Variants in ADGRV1 observed in about 807,000 individuals in gnomAD.
The protein encoded by ADGRV1 is G-protein coupled receptor 98.
ADGRV1 carries 359 observed loss-of-function variants against 596.2 expected under a neutral mutation model. That is an observed-to-expected ratio of 0.60 (90% CI 0.55 to 0.66). The LOEUF is 0.66. Ranked by LOEUF, ADGRV1 falls within the 30% of genes least tolerant of loss-of-function variation. ADGRV1 has a pLI of 0.00. For synonymous variants in ADGRV1, 2,681 were observed against 2,679.2 expected (o/e 1.00, Z -0.02); for missense variants, 7,274 against 7,575.6 (o/e 0.96, Z 1.48).
intron 85 of ADGRV1, chr5:91,031,423 G>A (rs1784474185): frequency 4.8e-6 from 4 of 828,504 alleles, no homozygotes; most frequent in Non-Finnish European, 8.1e-6. Context: ...CTGTTCCCAT[G>A]GCCAGCATTA....
chr5:90,677,092 A>G (rs1197302027), intron 25 of ADGRV1, among the ~76,000 whole-genome samples: 2 of 152,160 alleles, frequency 1.3e-5, no homozygotes, highest in Non-Finnish European at 2.9e-5. Flanking sequence ...GAGAGATGAT[A>G]TGGTGTTTAT....
chr5:90,994,465 T>G (rs1186659486), intron 85 of ADGRV1, among the ~76,000 whole-genome samples: 1 of 152,204 alleles, frequency 6.6e-6, no homozygotes, highest in East Asian at 1.9e-4. Context: ...CATATGCTCA[T>G]TTAGTTATAT....
At chr5:90,857,337 T>A (rs1767117139) in intron 82 of ADGRV1, among the ~76,000 whole-genome samples, 1 of 152,122 alleles carries the variant, frequency 6.6e-6, no homozygotes, top group South Asian at 2.1e-4. Context: ...GGCATAGGTT[T>A]ATGTGCTGCT....
chr5:91,075,367 GC>G (rs1788762231), intron 86 of ADGRV1, among the ~76,000 whole-genome samples: 1 of 152,098 alleles, frequency 6.6e-6, no homozygotes, highest in Admixed American at 6.6e-5. Context: ...TAACATAGGG[GC>G]CTAACATAGT....
chr5:91,048,201 A>G (rs11955946), intron 85 of ADGRV1, among the ~76,000 whole-genome samples: 35,709 of 152,194 alleles, frequency 0.23, 4,509 homozygotes, highest in Non-Finnish European at 0.28. Flanking sequence ...GTTGGCTGCC[A>G]TCCTCTGGAC....
intron 43 of ADGRV1, chr5:90,718,057 A>G (rs1159648552): frequency 1.3e-5 from 2 of 152,236 alleles, no homozygotes; most frequent in African/African-American, 4.8e-5. Flanking sequence ...TTATATTCAC[A>G]GCAATGTACA....
At chr5:90,890,843 T>A (rs189643466) in intron 83 of ADGRV1, among the ~76,000 whole-genome samples, 2 of 152,266 alleles carry the variant, frequency 1.3e-5, no homozygotes, top group East Asian at 3.9e-4. Context: ...ACACTTCGTG[T>A]CATCAGATTT....
chr5:90,759,679 G>T (rs1380344893), intron 58 of ADGRV1, 91 bp downstream of exon 58: 4 of 1,180,356 alleles, frequency 3.4e-6, no homozygotes, highest in East Asian at 2.5e-5. Flanking sequence ...TGTTTTGGAA[G>T]TCTTGGCCAG....
chr5:90,802,188 G>A (rs1204581649), intron 70 of ADGRV1, among the ~76,000 whole-genome samples: 4 of 152,036 alleles, frequency 2.6e-5, no homozygotes, highest in African/African-American at 9.7e-5. Context: ...TTGAAAATTT[G>A]TGTTTTTTTT....
At chr5:91,066,472 A>G (rs1787890664) in intron 85 of ADGRV1, among the ~76,000 whole-genome samples, 1 of 152,140 alleles carries the variant, frequency 6.6e-6, no homozygotes, top group African/African-American at 2.4e-5. Flanking sequence ...TTTGGGAGAA[A>G]TTTTATTATA....
chr5:91,072,009 C>G (rs1301666322), intron 85 of ADGRV1, among the ~76,000 whole-genome samples: 1 of 152,022 alleles, frequency 6.6e-6, no homozygotes, highest in Non-Finnish European at 1.5e-5. Context: ...AGAGACAGTT[C>G]AGAGAAGTTA....
At chr5:90,851,807 G>C (rs959928222) in intron 79 of ADGRV1, among the ~76,000 whole-genome samples, 1 of 152,200 alleles carries the variant, frequency 6.6e-6, no homozygotes, top group African/African-American at 2.4e-5. Context: ...TGTTATGCTT[G>C]CATCAAGCTT....
At chr5:90,682,018 C>G (rs1234400122) in intron 27 of ADGRV1, among the ~76,000 whole-genome samples, 1 of 152,030 alleles carries the variant, frequency 6.6e-6, no homozygotes, top group Non-Finnish European at 1.5e-5. Context: ...AGGCATGCAC[C>G]ACCACGCCCG....
In ADGRV1 at chr5:90,651,720, A is replaced by G. The variant is rs781561554; in HGVS notation, c.3406A>G (p.Asn1136Asp). 10 of 1,610,630 alleles carry G rather than the reference A, an allele frequency of 6.2e-6. No individual in the cohort carries two copies. The South Asian group carries it at 8.8e-5, about 14-fold the overall frequency. The stretch of plus-strand genomic sequence containing the variant: ...CAAAGCAGTGGAAGAAGGAAAGACT[A>G]ATGCATTTTGGTAAGCATATGTAGA... ...IDKAVEEGKT[N>D]AFWILRHRGY... The change falls in exon 18 of 90, where the codon AAT (asparagine) becomes GAT (aspartate). Residue 1136 changes from asparagine to aspartate, a missense_variant. Physicochemically the swap from Asn to Asp is conservative, Grantham distance 23 (BLOSUM62 1). Around this residue, in one of 5 missense-constraint regions of ADGRV1, gnomAD observed 1,715 missense variants for 1,708.8 expected, o/e 1.00. Transcript: ENST00000405460.
In ADGRV1 at chr5:90,690,874, T is replaced by C; in HGVS notation, c.6784T>C (p.Ser2262Pro). ...GGTAAACCTGCCAATAATTCGAAATTCTGGGACACTCGGCAATGTTACTGT... is the reference window on the plus strand; with the variant it reads ...GGTAAACCTGCCAATAATTCGAAATCCTGGGACACTCGGCAATGTTACTGT... ...VKVNLPIIRN[S>P]GTLGNVTVQW... Residue 2262 changes from serine to proline, a missense_variant, in exon 31 of 90, where the codon TCT (serine) becomes CCT (proline). This residue lies in a region of ADGRV1 where 3,643 missense variants were observed against 3,809.2 expected (regional missense o/e 0.96). Transcript: ENST00000405460. 1 of 1,612,952 alleles carries C rather than the reference T, an allele frequency of 6.2e-7. No individual in the cohort carries two copies. Among genetic ancestry groups the C allele is most frequent in the Non-Finnish European group, 8.5e-7 (1 of 1,179,378 alleles).
intron 50 of ADGRV1, among the ~76,000 whole-genome samples, chr5:90,738,374 G>T (rs1753523354): frequency 6.6e-6 from 1 of 151,912 alleles, no homozygotes; most frequent in Admixed American, 6.6e-5. Flanking sequence ...AGAATATCCT[G>T]AACATGACTA....
chr5:91,136,390 G>C (rs147406956), intron 87 of ADGRV1, among the ~76,000 whole-genome samples: 2 of 152,294 alleles, frequency 1.3e-5, no homozygotes, highest in African/African-American at 4.8e-5. Flanking sequence ...CCAGTTCTGG[G>C]AAAGAAGTGG....
chr5:90,744,059 G>C (rs1427754630), intron 50 of ADGRV1, among the ~76,000 whole-genome samples: 1 of 152,004 alleles, frequency 6.6e-6, no homozygotes, highest in Admixed American at 6.6e-5. Context: ...CATGATCATG[G>C]TTCATTGCAA....
chr5:91,129,264 TA>T (rs34141422), intron 87 of ADGRV1, among the ~76,000 whole-genome samples: 12,751 of 152,266 alleles, frequency 0.084, 629 homozygotes, highest in South Asian at 0.18. Context: ...CATCTACTTT[TA>T]AATTTTCTCC....
Sources: allele counts gnomAD v4.1 joint callset (sites outside exome capture counted in the v4.1 genomes callset), GRCh38; gene constraint gnomAD v4.1.1; regional missense constraint gnomAD v4.1.1; transcripts MANE v1.5; gene names NCBI Gene and HGNC (gene_info 2026-07-23, HGNC 2026-07-21).